Variants in SNCAIP observed in about 807,000 individuals in gnomAD.
The protein encoded by SNCAIP is synuclein alpha interacting protein.
In SNCAIP, 43 loss-of-function variants were observed where a neutral mutation model predicts 86.7. The observed-to-expected ratio is 0.50, with a 90% CI of 0.39 to 0.64. The LOEUF (loss-of-function observed/expected upper bound fraction) is 0.64. Among genes scored for constraint, SNCAIP ranks in the 30% least tolerant of loss-of-function variants. SNCAIP has a pLI of 0.00. For missense variants in SNCAIP, 981 were observed against 1,103.1 expected, an observed-to-expected ratio of 0.89 and a Z score of 1.57; for synonymous variants, 417 against 427.2, an observed-to-expected ratio of 0.98 and a Z score of 0.29.
At chr5:122,410,134 T>C (rs1466998509) in intron 3 of SNCAIP, among the ~76,000 whole-genome samples, 2 of 152,238 alleles carry the variant, frequency 1.3e-5, no homozygotes, top group African/African-American at 4.8e-5. Flanking sequence ...TTATTTTTAT[T>C]GTTTAACAAA....
chr5:122,391,272 T>G, intron 2 of SNCAIP, 81 bp downstream of exon 2: 1 of 1,002,682 alleles, frequency 1.0e-6, no homozygotes, highest in Non-Finnish European at 1.6e-6. Context: ...TTATAGTCTA[T>G]ATATCCTCAA....
chr5:122,398,558 T>A (rs538365543), intron 2 of SNCAIP, among the ~76,000 whole-genome samples: 1 of 152,314 alleles, frequency 6.6e-6, no homozygotes, highest in Admixed American at 6.5e-5. Context: ...ATTGTGTGCC[T>A]GTTGAGATAC....
intron 10 of SNCAIP, among the ~76,000 whole-genome samples, chr5:122,460,584 C>T (rs1418895300): frequency 6.6e-6 from 1 of 152,044 alleles, no homozygotes; most frequent in Non-Finnish European, 1.5e-5. Context: ...CTTCCTCTTC[C>T]TCCCACCCCC....
chr5:122,335,673 T>C (rs1233357496), intron 1 of SNCAIP, among the ~76,000 whole-genome samples: 1 of 152,172 alleles, frequency 6.6e-6, no homozygotes, highest in African/African-American at 2.4e-5. Context: ...AAGGAGAAGT[T>C]GAGCTCTGAC....
At chr5:122,339,591 C>T (rs1757157483) in intron 1 of SNCAIP, among the ~76,000 whole-genome samples, 1 of 152,198 alleles carries the variant, frequency 6.6e-6, no homozygotes, top group Admixed American at 6.5e-5. Flanking sequence ...CTTCCTTATT[C>T]ACACTTACCT....
At chr5:122,369,424 T>A (rs1299617054) in intron 1 of SNCAIP, among the ~76,000 whole-genome samples, 3 of 152,196 alleles carry the variant, frequency 2.0e-5, no homozygotes, top group Admixed American at 6.5e-5. Context: ...CTAGATTGCC[T>A]CAGGCCACAC....
chr5:122,319,812 T>C (rs1198727640), intron 1 of SNCAIP, among the ~76,000 whole-genome samples: 1 of 152,212 alleles, frequency 6.6e-6, no homozygotes, highest in Non-Finnish European at 1.5e-5. Context: ...GAAAGGTACA[T>C]TATAGCTAAG....
chr5:122,448,955 C>G lies in SNCAIP; in HGVS notation c.1593-890C>G, dbSNP rs184593462. Among the ~76,000 whole-genome samples, 823 of 150,534 alleles carry G rather than the reference C, an allele frequency of 5.5e-3. 12 individuals carry two copies. The highest frequency in any genetic ancestry group is 0.019 in the African/African-American group (797 of 40,954). On this transcript the variant is annotated intron_variant, in intron 8 of 10. Transcript: ENST00000261368. ...GGCGTGAACCCGGGAGGCGGAGCTT[C>G]CAGTGAGCCGAGATAGCACCACTGC...
upstream of SNCAIP, chr5:122,312,224 C>T (rs1580686110): frequency 6.6e-6 from 1 of 151,532 alleles, no homozygotes; most frequent in South Asian, 2.1e-4. Flanking sequence ...CCGCTGCGGT[C>T]CGTCGGTCGG....
At chr5:122,340,349 A>G (rs1281216718) in intron 1 of SNCAIP, among the ~76,000 whole-genome samples, 3 of 152,186 alleles carry the variant, frequency 2.0e-5, no homozygotes, top group South Asian at 2.1e-4. Flanking sequence ...CCCTCATTGT[A>G]TATGTGAACA....
chr5:122,411,465 A>C (rs1581080521), intron 3 of SNCAIP, among the ~76,000 whole-genome samples: 1 of 152,114 alleles, frequency 6.6e-6, no homozygotes, highest in African/African-American at 2.4e-5. Context: ...TCCTGAAAGC[A>C]TACCCTTTTG....
chr5:122,441,184 G>C (rs998630756), intron 7 of SNCAIP: 1 of 198,646 alleles, frequency 5.0e-6, no homozygotes, highest in Non-Finnish European at 1.0e-5. Flanking sequence ...GAATGGATTA[G>C]AATTCTTTGT....
At chr5:122,334,919 T>C (rs1756127810) in intron 1 of SNCAIP, among the ~76,000 whole-genome samples, 1 of 152,128 alleles carries the variant, frequency 6.6e-6, no homozygotes, top group Non-Finnish European at 1.5e-5. Context: ...TAGGTGTGGA[T>C]TTGGGGACTA....
At chr5:122,449,529 CATAG>C (rs1783268196) in intron 8 of SNCAIP, among the ~76,000 whole-genome samples, 1 of 151,946 alleles carries the variant, frequency 6.6e-6, no homozygotes, top group African/African-American at 2.4e-5. Flanking sequence ...CTTCTATGTC[CATAG>C]ATACTCAAAC....
At chr5:122,434,067 T>C (rs1581223289) in intron 6 of SNCAIP, among the ~76,000 whole-genome samples, 3 of 152,316 alleles carry the variant, frequency 2.0e-5, no homozygotes, top group Admixed American at 2.0e-4. Context: ...AAAGAACATC[T>C]CTACTGGCAA....
intron 6 of SNCAIP, among the ~76,000 whole-genome samples, chr5:122,436,329 A>G (rs1779464671): frequency 6.6e-6 from 1 of 152,108 alleles, no homozygotes; most frequent in Admixed American, 6.6e-5. Flanking sequence ...GAAAAGCCAC[A>G]TTGCCCAACC....
intron 8 of SNCAIP, among the ~76,000 whole-genome samples, chr5:122,448,715 A>T (rs12521960): frequency 1.4e-5 from 2 of 139,166 alleles, no homozygotes; most frequent in Non-Finnish European, 3.0e-5. Flanking sequence ...ACATATATAT[A>T]ATATATATGT....
intron 1 of SNCAIP, among the ~76,000 whole-genome samples, chr5:122,376,393 G>C (rs1381975494): frequency 6.6e-6 from 1 of 152,152 alleles, no homozygotes. Context: ...TTGGAAGTTA[G>C]ATTTGGATAG....
At chr5:122,316,695 G>A (rs1419554952) in intron 1 of SNCAIP, among the ~76,000 whole-genome samples, 4 of 152,192 alleles carry the variant, frequency 2.6e-5, no homozygotes, top group African/African-American at 7.2e-5. Flanking sequence ...CTTCATTAAC[G>A]TTAATGGATG....
Sources: gnomAD v4.1 joint callset for allele counts (sites outside exome capture counted in the v4.1 genomes callset) on GRCh38, gnomAD v4.1.1 for gene constraint, MANE v1.5 for transcripts, NCBI Gene and HGNC (gene_info 2026-07-23, HGNC 2026-07-21) for gene names.